The following HIVEP3 variants were observed in gnomAD, a reference collection of about 807,000 sequenced individuals.
HIVEP3 encodes the protein HIVEP zinc finger 3, also known as transcription factor HIVEP3.
Under a neutral mutation model 152.8 loss-of-function variants are expected in HIVEP3, and 49 were observed. The ratio of observed to expected loss-of-function variants is 0.32; its 90% CI spans 0.26 to 0.41. HIVEP3 has a LOEUF of 0.41. Among genes scored for constraint, HIVEP3 ranks in the 10% least tolerant of loss-of-function variants. The pLI is 1.00. For synonymous variants in HIVEP3, 1,269 were observed against 1,289.0 expected (o/e 0.98, Z 0.33); for missense variants, 2,790 against 3,103.3 (o/e 0.90, Z 2.40).
At chr1:41,798,257 G>A in intron 1 of HIVEP3, among the ~76,000 whole-genome samples, 1 of 151,094 alleles carries the variant, frequency 6.6e-6, no homozygotes, top group Non-Finnish European at 1.5e-5. Flanking sequence ...CCTGCACATT[G>A]TGCACATGTA....
At position 41,899,949 on chromosome 1, in the gene HIVEP3, C is replaced by T. The variant is rs545711158; in HGVS notation, c.-801+18464G>A. Among the ~76,000 whole-genome samples the T allele has an allele frequency of 6.6e-5, 10 of 152,316 alleles. No individual in the cohort carries two copies. The East Asian group carries it at 1.9e-3, about 29-fold the overall frequency. ...ACATTCTCAGGCCATGATCTTCTCC[C>T]CTGTCAGCAGAATCTGGAGCATCTC... On this transcript the variant is annotated intron_variant, in intron 1 of 8. Coordinates refer to ENST00000372583, the MANE Select transcript of HIVEP3 (RefSeq NM_024503.5).
At chr1:41,771,311 T>G (rs1648343206) in intron 1 of HIVEP3, among the ~76,000 whole-genome samples, 1 of 151,628 alleles carries the variant, frequency 6.6e-6, no homozygotes, top group Non-Finnish European at 1.5e-5. Context: ...ATTAATTTAC[T>G]AAAAAATAAT....
intron 1 of HIVEP3, among the ~76,000 whole-genome samples, chr1:41,774,918 C>T (rs994354578): frequency 6.6e-6 from 1 of 152,052 alleles, no homozygotes; most frequent in African/African-American, 2.4e-5. Context: ...ACCTCAGCTT[C>T]CTAAGTAGCT....
chr1:41,889,050 A>C (rs542684023), intron 1 of HIVEP3, among the ~76,000 whole-genome samples: 6,399 of 144,344 alleles, frequency 0.044, 456 homozygotes, highest in African/African-American at 0.16. Context: ...ACACACACAC[A>C]CCACACAACA....
chr1:41,797,974 A>G (rs1174236562), intron 1 of HIVEP3, among the ~76,000 whole-genome samples: 1 of 152,118 alleles, frequency 6.6e-6, no homozygotes, highest in Non-Finnish European at 1.5e-5. Context: ...GCAAGACTCC[A>G]TCTAAAAAAA....
At chr1:41,889,691 G>C (rs150592227) in intron 1 of HIVEP3, among the ~76,000 whole-genome samples, 7 of 152,158 alleles carry the variant, frequency 4.6e-5, no homozygotes, top group Non-Finnish European at 1.0e-4. Flanking sequence ...AGAGGGTAGG[G>C]AGCCCTGTGG....
In HIVEP3 at chr1:41,817,660, G is replaced by C. The variant is rs185733498; in HGVS notation, c.-801+100753C>G. ...TTCTGATAATTACAGCCAGGAAGGT[G>C]ACAGTTACCCCTTGCTAAGGTGGAC... On this transcript the variant is annotated intron_variant, in intron 1 of 8. Coordinates refer to ENST00000372583, the MANE Select transcript of HIVEP3 (RefSeq NM_024503.5). Among the ~76,000 whole-genome samples, 176 of 152,328 alleles carry C rather than the reference G, an allele frequency of 1.2e-3. 1 individual carries two copies. Among genetic ancestry groups the C allele is most frequent in the African/African-American group, 3.8e-3 (158 of 41,568 alleles).
intron 1 of HIVEP3, among the ~76,000 whole-genome samples, chr1:42,012,209 T>C (rs1645496452): frequency 1.3e-5 from 2 of 152,242 alleles, no homozygotes; most frequent in South Asian, 4.1e-4. Flanking sequence ...TTCTAAGATG[T>C]AGTACATTTC....
chr1:41,552,615 C>T (rs377275964), intron 5 of HIVEP3, among the ~76,000 whole-genome samples: 83 of 144,722 alleles, frequency 5.7e-4, no homozygotes, highest in East Asian at 8.0e-4. Flanking sequence ...TCCAGTCTAT[C>T]ATTGTTGGAC....
At chr1:41,754,143 A>G (rs1647218671) in intron 1 of HIVEP3, among the ~76,000 whole-genome samples, 1 of 152,204 alleles carries the variant, frequency 6.6e-6, no homozygotes. Context: ...AAGACACCAT[A>G]GCGGCTGCCG....
chr1:41,813,212 A>G (rs929279040), intron 1 of HIVEP3, among the ~76,000 whole-genome samples: 5 of 152,086 alleles, frequency 3.3e-5, no homozygotes, highest in South Asian at 4.1e-4. Flanking sequence ...TCTGGGTTCC[A>G]TGGCCAGTAA....
intron 2 of HIVEP3, among the ~76,000 whole-genome samples, chr1:41,691,258 AGCTTTAT>A (rs1646193886): frequency 1.1e-4 from 16 of 152,260 alleles, no homozygotes; most frequent in Admixed American, 9.8e-4. Flanking sequence ...AATTGAAAAT[AGCTTTAT>A]TGCTTTGACT....
chr1:41,747,177 G>A (rs1383968122), intron 1 of HIVEP3, among the ~76,000 whole-genome samples: 1 of 152,266 alleles, frequency 6.6e-6, no homozygotes, highest in Non-Finnish European at 1.5e-5. Flanking sequence ...AAGAAGCTAA[G>A]TGCCAATAGG....
rs1219775733 is a variant in HIVEP3 at position 41,918,105 on chromosome 1, GCCC to G, written c.-801+305_-801+307del. Among the ~76,000 whole-genome samples, 1 of 151,138 alleles carries G rather than the reference GCCC, an allele frequency of 6.6e-6. No individual in the cohort carries two copies. Among genetic ancestry groups the G allele is most frequent in the Non-Finnish European group, 1.5e-5 (1 of 67,972 alleles). On this transcript the variant is annotated intron_variant, in intron 1 of 8. Transcript: ENST00000372583. The surrounding 1 kb of genome is among the most constrained non-coding windows in gnomAD (Gnocchi z 4.3). ...AGCGCACGGCGCGCATAGGGTTACA[GCCC>G]CGCCGCCGCCGCCGCCGCCGCCGCC...
At chr1:41,531,498 GGAAGACAGGGGCGATA>G (rs2149062616) in intron 5 of HIVEP3, among the ~76,000 whole-genome samples, 1 of 111,820 alleles carries the variant, frequency 8.9e-6, no homozygotes. Flanking sequence ...CAGGAGAGAT[GGAAGACAGGGGCGATA>G]GAGGACAGGA....
At chr1:41,885,602 G>T (rs1014659770) in intron 1 of HIVEP3, among the ~76,000 whole-genome samples, 3 of 152,180 alleles carry the variant, frequency 2.0e-5, no homozygotes, top group African/African-American at 4.8e-5. Flanking sequence ...GAGGCAGGGG[G>T]TGCAGTGAGC....
intron 1 of HIVEP3, among the ~76,000 whole-genome samples, chr1:41,786,440 G>T (rs1649352175): frequency 6.6e-6 from 1 of 152,180 alleles, no homozygotes; most frequent in Non-Finnish European, 1.5e-5. Context: ...TGATTTTACA[G>T]TCCATTACTG....
intron 1 of HIVEP3, among the ~76,000 whole-genome samples, chr1:42,019,421 T>A (rs777021879): frequency 6.6e-6 from 1 of 152,048 alleles, no homozygotes; most frequent in African/African-American, 2.4e-5. Flanking sequence ...TCTCTCAGTA[T>A]GTCTTCTTGT....
intron 1 of HIVEP3, among the ~76,000 whole-genome samples, chr1:41,981,512 GC>G (rs1557548590): frequency 6.6e-6 from 1 of 152,118 alleles, no homozygotes; most frequent in Non-Finnish European, 1.5e-5. Context: ...CTCAAGGCCT[GC>G]CACGTCTTCC....
Sources: allele counts gnomAD v4.1 joint callset (sites outside exome capture counted in the v4.1 genomes callset), GRCh38; gene constraint gnomAD v4.1.1; non-coding constraint Gnocchi (gnomAD v3.1); transcripts MANE v1.5; gene names NCBI Gene and HGNC (gene_info 2026-07-23, HGNC 2026-07-21).